Variants in PRKG1 observed in about 807,000 individuals in gnomAD.
PRKG1 encodes protein kinase cGMP-dependent 1.
PRKG1 carries 35 observed loss-of-function variants against 88.1 expected under a neutral mutation model. The observed-to-expected ratio is 0.40, with a 90% confidence interval of 0.30 to 0.53. PRKG1 has a LOEUF of 0.53. PRKG1 is among the 20% of genes least tolerant of loss of function. The probability of loss-of-function intolerance (pLI) is 0.59; values close to 1 mark genes in which losing one functional copy is unlikely to be tolerated. For synonymous variants in PRKG1, 303 were observed against 292.5 expected (o/e 1.04, Z -0.37); for missense variants, 540 against 839.8 (o/e 0.64, Z 4.41).
intron 2 of PRKG1, among the ~76,000 whole-genome samples, chr10:51,174,574 G>A (rs1837140727): frequency 6.6e-6 from 1 of 151,988 alleles, no homozygotes; most frequent in African/African-American, 2.4e-5. Flanking sequence ...TTTTTATGGT[G>A]TGAATATTCC....
intron 7 of PRKG1, among the ~76,000 whole-genome samples, chr10:52,118,473 A>G (rs1847740495): frequency 6.6e-6 from 1 of 152,136 alleles, no homozygotes; most frequent in Admixed American, 6.5e-5. Flanking sequence ...TATATATACA[A>G]TATTTTAAGA....
chr10:51,186,557 G>A (rs989426188), intron 2 of PRKG1, among the ~76,000 whole-genome samples: 2 of 152,016 alleles, frequency 1.3e-5, no homozygotes, highest in Non-Finnish European at 1.5e-5. Flanking sequence ...GGGTGAGCCA[G>A]GAATCGGGGT....
chr10:52,242,582 A>G (rs1302309621), intron 9 of PRKG1, among the ~76,000 whole-genome samples: 2 of 152,076 alleles, frequency 1.3e-5, no homozygotes, highest in Non-Finnish European at 2.9e-5. Flanking sequence ...CCAGTTCTTT[A>G]TTCATGGACC....
chr10:52,045,190 A>T (rs1447364615), intron 5 of PRKG1, among the ~76,000 whole-genome samples: 1 of 151,938 alleles, frequency 6.6e-6, no homozygotes, highest in East Asian at 1.9e-4. Context: ...TTGGGATCTG[A>T]CCATACATAG....
At chr10:51,321,622 G>T (rs1466796187) in intron 2 of PRKG1, among the ~76,000 whole-genome samples, 3 of 152,036 alleles carry the variant, frequency 2.0e-5, no homozygotes, top group African/African-American at 2.4e-5. Context: ...GGCTGGGAAG[G>T]GTAGTAGCGG....
intron 1 of PRKG1, among the ~76,000 whole-genome samples, chr10:51,116,420 T>C (rs1845124641): frequency 6.6e-6 from 1 of 152,158 alleles, no homozygotes; most frequent in South Asian, 2.1e-4. Flanking sequence ...TGGGCTTCTG[T>C]ATGAAATGAA....
intron 8 of PRKG1, among the ~76,000 whole-genome samples, chr10:52,135,046 G>A (rs1837367924): frequency 6.6e-6 from 1 of 152,120 alleles, no homozygotes; most frequent in Non-Finnish European, 1.5e-5. Flanking sequence ...CAGCACAGAT[G>A]CTGGTTTTAA....
intron 4 of PRKG1, among the ~76,000 whole-genome samples, chr10:51,841,787 A>T (rs546888025): frequency 1.3e-5 from 2 of 152,076 alleles, no homozygotes; most frequent in East Asian, 3.9e-4. Flanking sequence ...GGTTCAAGCG[A>T]TTCTCCTGCC....
intron 3 of PRKG1, among the ~76,000 whole-genome samples, chr10:51,746,388 C>T (rs1054313312): frequency 4.6e-5 from 7 of 151,944 alleles, no homozygotes; most frequent in Non-Finnish European, 8.8e-5. Flanking sequence ...TCTTAGAGTT[C>T]CTCCTTGGAC....
At chr10:51,938,453 C>A (rs1239812536) in intron 5 of PRKG1, among the ~76,000 whole-genome samples, 1 of 151,848 alleles carries the variant, frequency 6.6e-6, no homozygotes, top group Non-Finnish European at 1.5e-5. Context: ...TGAATCTGAA[C>A]CTAAATGTGG....
At chr10:51,538,212 A>G (rs932356549) in intron 3 of PRKG1, among the ~76,000 whole-genome samples, 1 of 152,046 alleles carries the variant, frequency 6.6e-6, no homozygotes, top group African/African-American at 2.4e-5. Flanking sequence ...CATAATTTCA[A>G]CAATTGAAGA....
intron 3 of PRKG1, among the ~76,000 whole-genome samples, chr10:51,713,844 A>G (rs1841820645): frequency 6.6e-6 from 1 of 152,220 alleles, no homozygotes; most frequent in Non-Finnish European, 1.5e-5. Flanking sequence ...ATATAATTAT[A>G]TGGTTTCTAA....
intron 7 of PRKG1, among the ~76,000 whole-genome samples, chr10:52,105,113 C>T (rs1354485008): frequency 1.3e-5 from 2 of 150,294 alleles, no homozygotes; most frequent in African/African-American, 4.9e-5. Context: ...TTCTTAAAAT[C>T]TTAAAAGGAA....
intron 3 of PRKG1, among the ~76,000 whole-genome samples, chr10:51,703,908 G>A (rs964176153): frequency 6.6e-6 from 1 of 152,098 alleles, no homozygotes; most frequent in Admixed American, 6.6e-5. Context: ...GAAGGCGGAG[G>A]TGGGTGGATC....
intron 2 of PRKG1, among the ~76,000 whole-genome samples, chr10:51,227,907 G>A (rs915598459): frequency 6.6e-6 from 1 of 151,890 alleles, no homozygotes; most frequent in African/African-American, 2.4e-5. Context: ...GACTGTGGAG[G>A]TTGAATTTAA....
At chr10:52,072,039 G>T (rs1039647239) in intron 7 of PRKG1, among the ~76,000 whole-genome samples, 1 of 151,880 alleles carries the variant, frequency 6.6e-6, no homozygotes, top group South Asian at 2.1e-4. Context: ...CTCTCCCGTG[G>T]GGCCATCACC....
intron 9 of PRKG1, among the ~76,000 whole-genome samples, chr10:52,163,587 T>C (rs1016694227): frequency 2.6e-5 from 4 of 152,116 alleles, no homozygotes; most frequent in African/African-American, 4.8e-5. Flanking sequence ...TGAATGTTTT[T>C]GTAGAACTCC....
chr10:51,180,616 A>C (rs1837317593), intron 2 of PRKG1, among the ~76,000 whole-genome samples: 1 of 152,218 alleles, frequency 6.6e-6, no homozygotes, highest in Admixed American at 6.5e-5. Flanking sequence ...TCTAAGCCAA[A>C]TGTGTGAATT....
intron 2 of PRKG1, among the ~76,000 whole-genome samples, chr10:51,394,074 G>A (rs1397787444): frequency 6.6e-6 from 1 of 152,098 alleles, no homozygotes; most frequent in Non-Finnish European, 1.5e-5. Context: ...GAAATCACAG[G>A]GGCTGAGAGC....
Sources: allele counts gnomAD v4.1 joint callset (sites outside exome capture counted in the v4.1 genomes callset), GRCh38; gene constraint gnomAD v4.1.1; transcripts MANE v1.5; gene names NCBI Gene and HGNC (gene_info 2026-07-23, HGNC 2026-07-21).